Variants in ZFPM2 observed in about 807,000 individuals in gnomAD.
ZFPM2 encodes the protein zinc finger protein ZFPM2.
A neutral mutation model predicts 98.6 loss-of-function variants in ZFPM2; 20 were observed. The observed-to-expected ratio is 0.20, with a 90% confidence interval of 0.14 to 0.29. The LOEUF (loss-of-function observed/expected upper bound fraction) is 0.29. Among genes scored for constraint, ZFPM2 ranks in the 10% least tolerant of loss-of-function variants. The probability of loss-of-function intolerance (pLI) is 1.00; values close to 1 mark genes in which losing one functional copy is unlikely to be tolerated. For synonymous variants in ZFPM2, 518 were observed against 502.7 expected (o/e 1.03, Z -0.41); for missense variants, 1,310 against 1,388.6 (o/e 0.94, Z 0.90).
intron 5 of ZFPM2, among the ~76,000 whole-genome samples, chr8:105,638,067 C>T (rs561052281): frequency 2.7e-5 from 4 of 148,766 alleles, no homozygotes; most frequent in African/African-American, 9.8e-5. Context: ...AAACTTTGTC[C>T]CCAAACTCTC....
chr8:105,564,024 G>A (rs1382180799), intron 4 of ZFPM2, among the ~76,000 whole-genome samples: 1 of 152,040 alleles, frequency 6.6e-6, no homozygotes, highest in African/African-American at 2.4e-5. Flanking sequence ...GCTAAATCGT[G>A]ATGGATAGAA....
intron 4 of ZFPM2, among the ~76,000 whole-genome samples, chr8:105,590,401 C>T (rs1815816336): frequency 6.6e-6 from 1 of 152,164 alleles, no homozygotes; most frequent in Non-Finnish European, 1.5e-5. Flanking sequence ...ATATAGTGTA[C>T]AGCCTGTGGT....
intron 3 of ZFPM2, among the ~76,000 whole-genome samples, chr8:105,526,124 C>G (rs1814168898): frequency 6.6e-6 from 1 of 152,116 alleles, no homozygotes; most frequent in Non-Finnish European, 1.5e-5. Context: ...TTTAGACTTT[C>G]TTATCACAGT....
Position 105,502,684 on chromosome 8 carries a change from A to G in ZFPM2, c.301+58303A>G, listed in dbSNP as rs117444870. On this transcript the variant is annotated intron_variant, in intron 3 of 7. Coordinates refer to ENST00000407775, the MANE Select transcript of ZFPM2 (RefSeq NM_012082.4). ...TAGGCCAATTTAATTTCCTTCTATG[A>G]TAGAGTGACAGGCCATGTAGATAAG... 5.8e-3 allele frequency among the ~76,000 whole-genome samples: 877 copies of G among 152,342 alleles called. 1 individual carries two copies. The highest frequency in any genetic ancestry group is 8.6e-3 in the Non-Finnish European group (584 of 68,034).
chr8:105,633,382 C>T (rs189060493), intron 4 of ZFPM2, among the ~76,000 whole-genome samples: 10 of 152,236 alleles, frequency 6.6e-5, no homozygotes, highest in African/African-American at 1.7e-4. Flanking sequence ...TGCCGGTTCA[C>T]GGTGACTCAT....
chr8:105,726,051 A>G (rs916729407), intron 5 of ZFPM2, among the ~76,000 whole-genome samples: 3 of 151,776 alleles, frequency 2.0e-5, no homozygotes, highest in African/African-American at 7.2e-5. Flanking sequence ...TAAGTATGCA[A>G]ATCTCCTTCA....
chr8:105,795,864 A>G, intron 6 of ZFPM2: 1 of 439,172 alleles, frequency 2.3e-6, no homozygotes, highest in Non-Finnish European at 4.5e-6. Context: ...TAGCAGACAC[A>G]TCTTAAGAGG....
At chr8:105,377,653 A>G (rs1810757615) in intron 1 of ZFPM2, among the ~76,000 whole-genome samples, 1 of 149,818 alleles carries the variant, frequency 6.7e-6, no homozygotes, top group African/African-American at 2.5e-5. Context: ...AGTGGTGCAC[A>G]TCTGTAATCC....
intron 5 of ZFPM2, among the ~76,000 whole-genome samples, chr8:105,663,283 T>C (rs2130889989): frequency 6.6e-6 from 1 of 152,322 alleles, no homozygotes; most frequent in Admixed American, 6.5e-5. Flanking sequence ...ATTATGACAC[T>C]TTTAAATGAA....
intron 1 of ZFPM2, among the ~76,000 whole-genome samples, chr8:105,320,767 T>C (rs1812010679): frequency 6.6e-6 from 1 of 152,272 alleles, no homozygotes; most frequent in South Asian, 2.1e-4. Flanking sequence ...CTCATATAAT[T>C]GAAGATTAAA....
At chr8:105,693,377 A>G (rs537204378) in intron 5 of ZFPM2, among the ~76,000 whole-genome samples, 1 of 152,344 alleles carries the variant, frequency 6.6e-6, no homozygotes, top group Non-Finnish European at 1.5e-5. Flanking sequence ...TCTGACAAGC[A>G]GCTGCATCCT....
chr8:105,508,213 G>A (rs1032316226), intron 3 of ZFPM2, among the ~76,000 whole-genome samples: 30 of 152,096 alleles, frequency 2.0e-4, no homozygotes, highest in Admixed American at 7.9e-4. Flanking sequence ...AACAAGAGAG[G>A]TCCTTCTGGC....
chr8:105,334,122 G>C (rs1354866289), intron 1 of ZFPM2, among the ~76,000 whole-genome samples: 1 of 138,428 alleles, frequency 7.2e-6, no homozygotes, highest in Non-Finnish European at 1.6e-5. Flanking sequence ...AATAAACTGT[G>C]TGTGTGTGTG....
chr8:105,489,684 G>A (rs1385948458), intron 3 of ZFPM2, among the ~76,000 whole-genome samples: 2 of 151,004 alleles, frequency 1.3e-5, no homozygotes, highest in Non-Finnish European at 2.9e-5. Context: ...GGCTGGTCTC[G>A]AACTCCTGAT....
chr8:105,568,899 A>C (rs1463467421), intron 4 of ZFPM2, among the ~76,000 whole-genome samples: 5 of 151,980 alleles, frequency 3.3e-5, no homozygotes, highest in African/African-American at 7.3e-5. Context: ...TCTGAACTAC[A>C]TGCAGTGCCC....
intron 3 of ZFPM2, among the ~76,000 whole-genome samples, chr8:105,452,023 C>A (rs527804485): frequency 6.6e-6 from 1 of 151,878 alleles, no homozygotes; most frequent in African/African-American, 2.4e-5. Flanking sequence ...GAATAATTTG[C>A]GAGAAAAATC....
chr8:105,746,093 A>T (rs531162803), intron 5 of ZFPM2, among the ~76,000 whole-genome samples: 26 of 152,040 alleles, frequency 1.7e-4, no homozygotes, highest in Admixed American at 3.9e-4. Context: ...TTTCAAAAAG[A>T]AACTTTTGAA....
At chr8:105,609,384 C>A (rs946527370) in intron 4 of ZFPM2, among the ~76,000 whole-genome samples, 3 of 152,038 alleles carry the variant, frequency 2.0e-5, no homozygotes, top group African/African-American at 7.2e-5. Context: ...CAAGTGGAAA[C>A]TTATCAAGTC....
At chr8:105,653,002 C>G (rs1817210894) in intron 5 of ZFPM2, among the ~76,000 whole-genome samples, 1 of 152,050 alleles carries the variant, frequency 6.6e-6, no homozygotes, top group South Asian at 2.1e-4. Context: ...CTATCAAATC[C>G]AGAATGCCTT....
Sources: allele counts gnomAD v4.1 joint callset (sites outside exome capture counted in the v4.1 genomes callset), GRCh38; gene constraint gnomAD v4.1.1; transcripts MANE v1.5; gene names NCBI Gene and HGNC (gene_info 2026-07-23, HGNC 2026-07-21).